The following FBXL17 variants were observed in gnomAD, a reference collection of about 807,000 sequenced individuals.
The protein encoded by FBXL17 is F-box and leucine rich repeat protein 17.
In FBXL17, 22 loss-of-function variants were observed where a neutral mutation model predicts 66.2. That is an observed-to-expected ratio of 0.33 (90% CI 0.24 to 0.47). The LOEUF is 0.47. Among genes scored for constraint, FBXL17 ranks in the 20% least tolerant of loss-of-function variants. The pLI is 1.00. For missense variants in FBXL17, 878 were observed against 948.2 expected, an observed-to-expected ratio of 0.93 and a Z score of 0.97; for synonymous variants, 474 against 400.5, an observed-to-expected ratio of 1.18 and a Z score of -2.19.
At chr5:108,020,618 GT>G (rs1754556891) in intron 7 of FBXL17, among the ~76,000 whole-genome samples, 1 of 151,568 alleles carries the variant, frequency 6.6e-6, no homozygotes, top group Admixed American at 6.6e-5. Flanking sequence ...ACATTTTATT[GT>G]TAAACTTATT....
At chr5:108,378,340 TG>T (rs35486124) in intron 1 of FBXL17, among the ~76,000 whole-genome samples, 41,717 of 129,612 alleles carry the variant, frequency 0.32, 6,251 homozygotes, top group Middle Eastern at 0.41. Context: ...TTTGTTTTTT[TG>T]TTTTGTTTTG....
intron 4 of FBXL17, among the ~76,000 whole-genome samples, chr5:108,273,348 AAAT>A (rs34203508): frequency 0.025 from 3,713 of 150,068 alleles, 144 homozygotes; most frequent in African/African-American, 0.085. Flanking sequence ...ATAATAATAA[AAAT>A]AATAATAATA....
At chr5:108,286,957 G>C (rs1414337033) in intron 4 of FBXL17, among the ~76,000 whole-genome samples, 1 of 151,760 alleles carries the variant, frequency 6.6e-6, no homozygotes, top group Non-Finnish European at 1.5e-5. Context: ...ACAGCATAGA[G>C]AGCCCAGAAA....
chr5:108,200,851 G>A (rs1350584257), intron 5 of FBXL17, among the ~76,000 whole-genome samples: 1 of 152,170 alleles, frequency 6.6e-6, no homozygotes, highest in Non-Finnish European at 1.5e-5. Flanking sequence ...GGGCTAGAGA[G>A]CAAACATGTG....
chr5:107,903,975 C>A (rs1488779812), intron 7 of FBXL17, among the ~76,000 whole-genome samples: 1 of 152,136 alleles, frequency 6.6e-6, no homozygotes, highest in Non-Finnish European at 1.5e-5. Context: ...GGGCAGCTTT[C>A]TCTAAAATAT....
At chr5:108,219,630 T>G (rs1218316689) in intron 5 of FBXL17, among the ~76,000 whole-genome samples, 1 of 152,042 alleles carries the variant, frequency 6.6e-6, no homozygotes, top group African/African-American at 2.4e-5. Flanking sequence ...GAGGTTGCAG[T>G]GAGCCAAGAT....
intron 7 of FBXL17, among the ~76,000 whole-genome samples, chr5:107,936,782 G>A (rs923273191): frequency 2.0e-5 from 3 of 152,000 alleles, no homozygotes; most frequent in African/African-American, 7.2e-5. Context: ...TAAATCCCAT[G>A]TGTAAATATG....
intron 7 of FBXL17, among the ~76,000 whole-genome samples, chr5:107,923,993 G>C (rs868673227): frequency 6.6e-6 from 1 of 151,736 alleles, no homozygotes; most frequent in South Asian, 2.1e-4. Context: ...GGCTAGGAGA[G>C]GGGGCTACTA....
chr5:107,941,826 T>C (rs1217925193), intron 7 of FBXL17, among the ~76,000 whole-genome samples: 4 of 152,156 alleles, frequency 2.6e-5, no homozygotes, highest in Admixed American at 6.6e-5. Flanking sequence ...CTTCCTCCAA[T>C]AGAGCTCATG....
intron 4 of FBXL17, among the ~76,000 whole-genome samples, chr5:108,225,844 C>T (rs1755077993): frequency 6.6e-6 from 1 of 152,170 alleles, no homozygotes; most frequent in Non-Finnish European, 1.5e-5. Flanking sequence ...ATTATCCCAG[C>T]ATTTCAGCAG....
At chr5:108,161,007 A>C (rs1752189841) in intron 6 of FBXL17, among the ~76,000 whole-genome samples, 1 of 152,120 alleles carries the variant, frequency 6.6e-6, no homozygotes, top group Non-Finnish European at 1.5e-5. Flanking sequence ...CCAAGCCTTT[A>C]AGCCTCCACA....
intron 6 of FBXL17, among the ~76,000 whole-genome samples, chr5:108,036,043 C>T (rs1746828666): frequency 6.6e-6 from 1 of 152,184 alleles, no homozygotes; most frequent in Non-Finnish European, 1.5e-5. Flanking sequence ...GTATACCTAA[C>T]AATAATCCAG....
At chr5:108,274,715 G>T (rs908297960) in intron 4 of FBXL17, among the ~76,000 whole-genome samples, 1 of 152,146 alleles carries the variant, frequency 6.6e-6, no homozygotes, top group Admixed American at 6.5e-5. Context: ...ACAGGCATAA[G>T]TATAAAAGTA....
At chr5:108,162,269 A>G (rs1324995227) in intron 6 of FBXL17, among the ~76,000 whole-genome samples, 1 of 152,162 alleles carries the variant, frequency 6.6e-6, no homozygotes, top group African/African-American at 2.4e-5. Flanking sequence ...GAGCAGAGGC[A>G]GGAGGATTGC....
At chr5:108,277,874 T>A (rs1029028214) in intron 4 of FBXL17, among the ~76,000 whole-genome samples, 1 of 152,228 alleles carries the variant, frequency 6.6e-6, no homozygotes, top group African/African-American at 2.4e-5. Flanking sequence ...TCTTAAAAAA[T>A]GTATATACCT....
intron 5 of FBXL17, among the ~76,000 whole-genome samples, chr5:108,204,514 G>A (rs1054698894): frequency 6.6e-6 from 1 of 152,114 alleles, no homozygotes; most frequent in Non-Finnish European, 1.5e-5. Flanking sequence ...ACTACTGATT[G>A]AAATCATTTG....
intron 6 of FBXL17, among the ~76,000 whole-genome samples, chr5:108,097,557 G>A (rs539670162): frequency 6.6e-6 from 1 of 151,996 alleles, no homozygotes; most frequent in Non-Finnish European, 1.5e-5. Flanking sequence ...TTGGGAGGTG[G>A]GGGTGGGCAG....
At chr5:108,239,224 G>C (rs901306607) in intron 4 of FBXL17, among the ~76,000 whole-genome samples, 2 of 152,118 alleles carry the variant, frequency 1.3e-5, no homozygotes, top group Admixed American at 6.6e-5. Flanking sequence ...ACATAAAAAA[G>C]CACCTTTTTA....
chr5:108,130,228 A>G, intron 6 of FBXL17, among the ~76,000 whole-genome samples: 1 of 151,898 alleles, frequency 6.6e-6, no homozygotes, highest in East Asian at 1.9e-4. Flanking sequence ...TTGGATTAGG[A>G]AAGAAATGAC....
Sources: gnomAD v4.1 joint callset for allele counts (sites outside exome capture counted in the v4.1 genomes callset) on GRCh38, gnomAD v4.1.1 for gene constraint, MANE v1.5 for transcripts, NCBI Gene and HGNC (gene_info 2026-07-23, HGNC 2026-07-21) for gene names.